Variants in DLGAP1 observed in about 807,000 individuals in gnomAD.
DLGAP1 encodes the protein DLG associated protein 1.
In DLGAP1, 11 loss-of-function variants were observed where a neutral mutation model predicts 90.8. That is an observed-to-expected ratio of 0.12 (90% CI 0.08 to 0.20). The LOEUF is 0.20. Ranked by LOEUF, DLGAP1 falls within the 10% of genes least tolerant of loss-of-function variation. The probability of loss-of-function intolerance (pLI) is 1.00; values close to 1 mark genes in which losing one functional copy is unlikely to be tolerated. For missense variants in DLGAP1, 1,050 were observed against 1,333.8 expected (o/e 0.79, Z 3.31); for synonymous variants, 558 against 540.7 (o/e 1.03, Z -0.44).
chr18:3,828,819 C>T (rs946585070), intron 4 of DLGAP1, among the ~76,000 whole-genome samples: 3 of 151,806 alleles, frequency 2.0e-5, no homozygotes, highest in Admixed American at 6.6e-5. Flanking sequence ...GACCCAAAGT[C>T]GATGGAGCTG....
intron 1 of DLGAP1, among the ~76,000 whole-genome samples, chr18:4,221,175 A>G (rs535849974): frequency 1.1e-4 from 16 of 152,234 alleles, no homozygotes; most frequent in Admixed American, 2.0e-4. Flanking sequence ...CTTGAATCCT[A>G]TGTTTTCGGG....
chr18:4,246,782 G>A (rs531549837), intron 1 of DLGAP1, among the ~76,000 whole-genome samples: 1 of 152,338 alleles, frequency 6.6e-6, no homozygotes, highest in South Asian at 2.1e-4. Flanking sequence ...GGTTGTCCAA[G>A]AAGCACTCAA....
At chr18:4,029,301 G>A (rs987608456) in intron 2 of DLGAP1, among the ~76,000 whole-genome samples, 5 of 152,166 alleles carry the variant, frequency 3.3e-5, no homozygotes, top group Non-Finnish European at 5.9e-5. Context: ...TATGAATAGT[G>A]CTGCAATAAT....
intron 10 of DLGAP1, among the ~76,000 whole-genome samples, chr18:3,511,474 A>T (rs955239828): frequency 6.6e-6 from 1 of 152,186 alleles, no homozygotes; most frequent in African/African-American, 2.4e-5. Context: ...AAAGTTGATA[A>T]AGAAATGAAA....
At chr18:4,437,376 G>A (rs946891570) in intron 1 of DLGAP1, among the ~76,000 whole-genome samples, 3 of 152,098 alleles carry the variant, frequency 2.0e-5, no homozygotes, top group Non-Finnish European at 4.4e-5. Context: ...TATCCATAAG[G>A]GAGTAGTTCT....
At chr18:3,600,839 T>TATATAGATATATATAG (rs1555695550) in intron 7 of DLGAP1, among the ~76,000 whole-genome samples, 1 of 96,162 alleles carries the variant, frequency 1.0e-5, no homozygotes, top group Non-Finnish European at 1.9e-5. Flanking sequence ...TATATATAGA[T>TATATAGATATATATAG]ATATATAGAT....
chr18:3,732,253 T>C (rs766119177), intron 6 of DLGAP1, among the ~76,000 whole-genome samples: 2 of 152,218 alleles, frequency 1.3e-5, no homozygotes, highest in Non-Finnish European at 2.9e-5. Flanking sequence ...TTCAATCTTT[T>C]TGGCAAGGCT....
intron 1 of DLGAP1, among the ~76,000 whole-genome samples, chr18:4,322,529 A>T (rs1449546116): frequency 6.6e-6 from 1 of 152,220 alleles, no homozygotes; most frequent in Non-Finnish European, 1.5e-5. Flanking sequence ...TAAGACCTGA[A>T]ATTGTAGAAC....
chr18:4,169,934 A>C (rs2076995409), intron 1 of DLGAP1, among the ~76,000 whole-genome samples: 1 of 152,166 alleles, frequency 6.6e-6, no homozygotes, highest in Admixed American at 6.5e-5. Flanking sequence ...CAGGGCCCTT[A>C]TTGTAAAATG....
intron 5 of DLGAP1, among the ~76,000 whole-genome samples, chr18:3,772,190 C>G (rs2064608456): frequency 7.2e-6 from 1 of 138,500 alleles, no homozygotes; most frequent in Non-Finnish European, 1.5e-5. Flanking sequence ...TCCTTCCTTC[C>G]TTTCTCTTCT....
chr18:4,255,409 ACT>A (rs367968104), intron 1 of DLGAP1, among the ~76,000 whole-genome samples: 1 of 150,856 alleles, frequency 6.6e-6, no homozygotes, highest in Non-Finnish European at 1.5e-5. Context: ...TTTTAAACTG[ACT>A]CTCTCTCTAT....
intron 4 of DLGAP1, among the ~76,000 whole-genome samples, chr18:3,848,853 C>T (rs1343648489): frequency 6.6e-6 from 1 of 152,198 alleles, no homozygotes; most frequent in Admixed American, 6.5e-5. Context: ...CCTTCTCCTT[C>T]CACTCCATCC....
At chr18:3,884,737 A>G (rs1051031234) in intron 3 of DLGAP1, among the ~76,000 whole-genome samples, 2 of 152,254 alleles carry the variant, frequency 1.3e-5, no homozygotes, top group African/African-American at 4.8e-5. Flanking sequence ...GCACAGGACA[A>G]GCACCTCTAT....
At chr18:3,665,935 C>T (rs565090570) in intron 7 of DLGAP1, among the ~76,000 whole-genome samples, 1 of 152,132 alleles carries the variant, frequency 6.6e-6, no homozygotes, top group Non-Finnish European at 1.5e-5. Context: ...GATCTCTCAT[C>T]CTTGGAGGTT....
intron 1 of DLGAP1, among the ~76,000 whole-genome samples, chr18:4,355,744 T>A (rs1349545059): frequency 3.4e-5 from 2 of 58,654 alleles, no homozygotes; most frequent in African/African-American, 5.6e-5. Context: ...TCCGGGATCT[T>A]TTTTTTTTTT....
At chr18:3,714,694 T>C (rs987676034) in intron 7 of DLGAP1, among the ~76,000 whole-genome samples, 1 of 146,360 alleles carries the variant, frequency 6.8e-6, no homozygotes, top group African/African-American at 2.5e-5. Flanking sequence ...CATGCAATGG[T>C]GTGATCTTGG....
At chr18:3,804,921 G>A (rs780150515) in intron 5 of DLGAP1, among the ~76,000 whole-genome samples, 4 of 152,180 alleles carry the variant, frequency 2.6e-5, no homozygotes, top group Non-Finnish European at 2.9e-5. Flanking sequence ...ACAGTGCTTC[G>A]GGAATTCTTA....
chr18:4,354,365 G>A (rs187568053), intron 1 of DLGAP1, among the ~76,000 whole-genome samples: 149 of 152,204 alleles, frequency 9.8e-4, no homozygotes, highest in Middle Eastern at 3.4e-3. Context: ...GAAGGTCCCT[G>A]CCCAAACCCA....
chr18:3,581,828 C>T (rs1276523884), intron 8 of DLGAP1, 47 bp downstream of exon 8: 3 of 1,594,660 alleles, frequency 1.9e-6, no homozygotes, highest in Middle Eastern at 1.7e-4. Context: ...TGTTACATTC[C>T]TTAGTTTTAA....
Sources: gnomAD v4.1 joint callset for allele counts (sites outside exome capture counted in the v4.1 genomes callset) on GRCh38, gnomAD v4.1.1 for gene constraint, MANE v1.5 for transcripts, NCBI Gene and HGNC (gene_info 2026-07-23, HGNC 2026-07-21) for gene names.